PARP8: variants seen among roughly 807,000 people sequenced by gnomAD.
PARP8 encodes poly(ADP-ribose) polymerase family member 8, also known as protein mono-ADP-ribosyltransferase PARP8.
A neutral mutation model predicts 124.1 loss-of-function variants in PARP8; 51 were observed. The observed-to-expected ratio is 0.41, with a 90% CI of 0.33 to 0.52. The LOEUF (loss-of-function observed/expected upper bound fraction) is 0.52, where lower values mean the gene tolerates loss of function less well. PARP8 is among the 20% of genes least tolerant of loss of function. The probability of loss-of-function intolerance (pLI) is 0.21; values close to 1 mark genes in which losing one functional copy is unlikely to be tolerated. For synonymous variants in PARP8, 391 were observed against 361.5 expected, an observed-to-expected ratio of 1.08 and a Z score of -0.93; for missense variants, 860 against 1,018.9, an observed-to-expected ratio of 0.84 and a Z score of 2.12.
chr5:50,694,003 G>A (rs188373110), intron 2 of PARP8, among the ~76,000 whole-genome samples: 2 of 152,098 alleles, frequency 1.3e-5, no homozygotes, highest in East Asian at 3.9e-4. Context: ...CCTAAATGGT[G>A]TCTTGCAAGT....
At chr5:50,716,437 T>C (rs1442361415) in intron 2 of PARP8, among the ~76,000 whole-genome samples, 1 of 152,112 alleles carries the variant, frequency 6.6e-6, no homozygotes, top group East Asian at 1.9e-4. Flanking sequence ...AGAAAAGGAC[T>C]GAATTAAGAA....
At chr5:50,717,224 G>A (rs1755407287) in intron 2 of PARP8, among the ~76,000 whole-genome samples, 1 of 151,862 alleles carries the variant, frequency 6.6e-6, no homozygotes, top group South Asian at 2.1e-4. Flanking sequence ...GGCTATTAGA[G>A]GAGTCCAGGG....
At chr5:50,702,226 T>G (rs996571392) in intron 2 of PARP8, among the ~76,000 whole-genome samples, 3 of 152,078 alleles carry the variant, frequency 2.0e-5, no homozygotes, top group African/African-American at 7.2e-5. Context: ...GACAATAAAT[T>G]AAGTTTTTTT....
chr5:50,792,822 T>C (rs774122152), intron 10 of PARP8, among the ~76,000 whole-genome samples: 1 of 152,168 alleles, frequency 6.6e-6, no homozygotes, highest in African/African-American at 2.4e-5. Context: ...CCCAAAATAA[T>C]TGAGTATGTA....
In PARP8 at chr5:50,799,835, A is replaced by T. The variant is rs531165116; in HGVS notation, c.1575+2602A>T. 3.9e-4 allele frequency among the ~76,000 whole-genome samples: 60 copies of T among 152,170 alleles called. 1 individual carries two copies. The highest frequency in any genetic ancestry group is 1.4e-3 in the African/African-American group (60 of 41,428). ...CAAAGAGCTCTCTCACTCCTCTACC[A>T]TGAAAGGACACAGCAAGAAGATCAA... On this transcript the variant is annotated intron_variant, in intron 14 of 25. Coordinates refer to ENST00000281631, the MANE Select transcript of PARP8 (RefSeq NM_024615.4).
intron 2 of PARP8, among the ~76,000 whole-genome samples, chr5:50,697,892 T>G (rs1448650380): frequency 1.3e-5 from 2 of 152,240 alleles, no homozygotes; most frequent in Non-Finnish European, 2.9e-5. Context: ...TAGTCAACTT[T>G]ACTAATAATG....
At chr5:50,807,849 C>T (rs1744030989) in intron 14 of PARP8, among the ~76,000 whole-genome samples, 1 of 152,064 alleles carries the variant, frequency 6.6e-6, no homozygotes, top group Non-Finnish European at 1.5e-5. Context: ...TTCTCTTCTC[C>T]TGTCATGTGA....
chr5:50,714,538 G>A (rs1755105701), intron 2 of PARP8, among the ~76,000 whole-genome samples: 1 of 152,062 alleles, frequency 6.6e-6, no homozygotes, highest in Admixed American at 6.6e-5. Flanking sequence ...AGCCCCGCAT[G>A]CATTAGGTAG....
chr5:50,840,795 T>A (rs532090484), intron 25 of PARP8, among the ~76,000 whole-genome samples: 3 of 151,998 alleles, frequency 2.0e-5, no homozygotes, highest in Admixed American at 6.6e-5. Context: ...CCTGAGAAAA[T>A]ATTTGTAATT....
At chr5:50,686,244 A>G (rs1751845890) in intron 2 of PARP8, among the ~76,000 whole-genome samples, 1 of 152,230 alleles carries the variant, frequency 6.6e-6, no homozygotes, top group Admixed American at 6.5e-5. Flanking sequence ...GAGGGGCTAC[A>G]GGCCCCCTGC....
At position 50,761,788 on chromosome 5, in the gene PARP8, C is replaced by T. The variant is rs1332994881; in HGVS notation, c.346-33C>T. On this transcript the variant is annotated intron_variant, in intron 5 of 25. Transcript: ENST00000281631. ...TTTTAGAAAGGTAAAATAATTTGAC[C>T]ATTAAATTGTTTTCTTACTTTATTA... The T allele has an allele frequency of 3.0e-6, 4 of 1,329,582 alleles. No individual in the cohort carries two copies. In the South Asian group the frequency reaches 5.2e-5, roughly 17 times the overall value. The allele number at this position is 1,329,582 out of a possible 1,614,324, so 82.4% of individuals were successfully genotyped here. A position where few individuals can be genotyped will look rare whatever the true frequency, so the allele number is the denominator to read the frequency against.
chr5:50,789,630 C>T (rs916435123), intron 10 of PARP8, among the ~76,000 whole-genome samples: 1 of 152,254 alleles, frequency 6.6e-6, no homozygotes, highest in African/African-American at 2.4e-5. Flanking sequence ...AATTTAGGCA[C>T]GTACCTCAGT....
chr5:50,753,973 C>T (rs1392808984), intron 3 of PARP8, among the ~76,000 whole-genome samples: 1 of 149,182 alleles, frequency 6.7e-6, no homozygotes, highest in Non-Finnish European at 1.5e-5. Context: ...TTGCTGTTAA[C>T]AGCCTTAACA....
At chr5:50,826,704 T>A (rs746033200) in intron 18 of PARP8, 51 bp from the exon 19 acceptor site, 27 of 1,535,900 alleles carry the variant, frequency 1.8e-5, no homozygotes, top group Middle Eastern at 1.8e-4. Flanking sequence ...GAAAAAGAAC[T>A]TTAAATATAT....
chr5:50,729,070 T>C (rs1756717585), intron 2 of PARP8, among the ~76,000 whole-genome samples: 1 of 152,158 alleles, frequency 6.6e-6, no homozygotes, highest in Admixed American at 6.6e-5. Flanking sequence ...TGTGCGGTTG[T>C]TCAAAATTGC....
intron 2 of PARP8, among the ~76,000 whole-genome samples, chr5:50,722,333 T>C (rs1281249522): frequency 1.3e-5 from 2 of 152,076 alleles, no homozygotes; most frequent in African/African-American, 4.8e-5. Context: ...AAAGATATGG[T>C]ATATACTTCT....
intron 2 of PARP8, among the ~76,000 whole-genome samples, chr5:50,691,031 T>C (rs1294698022): frequency 6.6e-6 from 1 of 152,200 alleles, no homozygotes; most frequent in African/African-American, 2.4e-5. Context: ...AACCCTAACA[T>C]GTCCTCATCA....
chr5:50,815,304 G>A (rs1423822607), intron 14 of PARP8, 128 bp from the exon 15 acceptor site: 11 of 585,078 alleles, frequency 1.9e-5, no homozygotes, highest in Non-Finnish European at 2.8e-5. Context: ...TATTAAAATG[G>A]TATGATTTCC....
chr5:50,788,062 A>C (rs1741474259), intron 9 of PARP8, among the ~76,000 whole-genome samples: 1 of 149,296 alleles, frequency 6.7e-6, no homozygotes, highest in South Asian at 2.1e-4. Flanking sequence ...TGTAGATGCA[A>C]ACATGTTGTC....
Sources: gnomAD v4.1 joint callset for allele counts (sites outside exome capture counted in the v4.1 genomes callset) on GRCh38, gnomAD v4.1.1 for gene constraint, MANE v1.5 for transcripts, NCBI Gene and HGNC (gene_info 2026-07-23, HGNC 2026-07-21) for gene names.